Variants in CNTN5 observed in about 807,000 individuals in gnomAD.
CNTN5 encodes the protein contactin-5.
CNTN5 carries 77 observed loss-of-function variants against 129.1 expected under a neutral mutation model. That is an observed-to-expected ratio of 0.60 (90% CI 0.50 to 0.72). CNTN5 has a LOEUF of 0.72. CNTN5 is among the 30% of genes least tolerant of loss of function. The pLI is 0.00. For missense variants in CNTN5, 1,478 were observed against 1,328.8 expected (o/e 1.11, Z -1.75); for synonymous variants, 509 against 465.6 (o/e 1.09, Z -1.20).
intron 3 of CNTN5, among the ~76,000 whole-genome samples, chr11:99,769,123 T>A (rs1023126157): frequency 6.6e-6 from 1 of 152,148 alleles, no homozygotes; most frequent in African/African-American, 2.4e-5. Context: ...CTTGCAATAT[T>A]CTTTTTGATA....
intron 2 of CNTN5, among the ~76,000 whole-genome samples, chr11:99,338,429 G>GGGTGGAGAATGA (rs1195312622): frequency 6.6e-6 from 1 of 152,116 alleles, no homozygotes; most frequent in Non-Finnish European, 1.5e-5. Context: ...GTTCCATTAG[G>GGGTGGAGAATGA]GGGTTGGAAC....
intron 1 of CNTN5, among the ~76,000 whole-genome samples, chr11:99,273,542 A>T (rs1054977774): frequency 6.6e-6 from 1 of 151,640 alleles, no homozygotes; most frequent in African/African-American, 2.4e-5. Context: ...GAGAAAAGAA[A>T]TTTTGCCCTT....
At chr11:99,720,482 A>G (rs1176160426) in intron 3 of CNTN5, among the ~76,000 whole-genome samples, 2 of 152,162 alleles carry the variant, frequency 1.3e-5, no homozygotes, top group Non-Finnish European at 2.9e-5. Flanking sequence ...AAAACTCTCA[A>G]TAAACTAGGT....
At chr11:99,828,768 C>G (rs1246909111) in intron 4 of CNTN5, among the ~76,000 whole-genome samples, 2 of 152,028 alleles carry the variant, frequency 1.3e-5, no homozygotes, top group Admixed American at 1.3e-4. Context: ...TTATTAAAAT[C>G]ATGTATCTTT....
chr11:99,278,183 C>T (rs1863532607), intron 1 of CNTN5, among the ~76,000 whole-genome samples: 1 of 151,438 alleles, frequency 6.6e-6, no homozygotes, highest in Admixed American at 6.6e-5. Flanking sequence ...CATGGAAATG[C>T]TTGGAAGGTC....
intron 18 of CNTN5, among the ~76,000 whole-genome samples, chr11:100,295,227 G>A (rs755750457): frequency 3.3e-5 from 5 of 151,526 alleles, no homozygotes; most frequent in Non-Finnish European, 7.4e-5. Context: ...GGGCTATCTT[G>A]TCTTGAAAAT....
At chr11:99,704,618 A>G (rs550100577) in intron 3 of CNTN5, among the ~76,000 whole-genome samples, 55 of 151,380 alleles carry the variant, frequency 3.6e-4, no homozygotes, top group South Asian at 1.0e-3. Context: ...TCTCAAATAC[A>G]TATTAATCAT....
chr11:100,236,000 CT>C (rs1323407164), intron 16 of CNTN5, among the ~76,000 whole-genome samples: 1 of 152,162 alleles, frequency 6.6e-6, no homozygotes, highest in Non-Finnish European at 1.5e-5. Flanking sequence ...GATTGCCTGA[CT>C]CTAGTGGCCA....
At chr11:99,391,142 A>G (rs1377719516) in intron 2 of CNTN5, among the ~76,000 whole-genome samples, 1 of 152,118 alleles carries the variant, frequency 6.6e-6, no homozygotes, top group Non-Finnish European at 1.5e-5. Context: ...AATTTTTTCT[A>G]CAATGTGAAA....
chr11:99,338,270 TGA>T (rs1866329248), intron 2 of CNTN5, among the ~76,000 whole-genome samples: 1 of 152,196 alleles, frequency 6.6e-6, no homozygotes, highest in African/African-American at 2.4e-5. Context: ...GCTCTATACT[TGA>T]GTCTCATTCT....
chr11:99,087,634 C>T (rs557678164), intron 1 of CNTN5, among the ~76,000 whole-genome samples: 11 of 152,140 alleles, frequency 7.2e-5, no homozygotes, highest in African/African-American at 2.4e-4. Flanking sequence ...TCTTGATATC[C>T]GTTAGGACCC....
chr11:99,096,535 G>GT (rs1288915607), intron 1 of CNTN5, among the ~76,000 whole-genome samples: 1 of 151,738 alleles, frequency 6.6e-6, no homozygotes, highest in East Asian at 1.9e-4. Context: ...GTTTTCATAG[G>GT]TTTTATTTTA....
intron 3 of CNTN5, among the ~76,000 whole-genome samples, chr11:99,688,970 G>C (rs971557151): frequency 1.3e-5 from 2 of 152,034 alleles, no homozygotes; most frequent in Non-Finnish European, 2.9e-5. Context: ...GTATTCCATG[G>C]TATATATGTA....
intron 2 of CNTN5, among the ~76,000 whole-genome samples, chr11:99,554,088 A>G (rs1285561467): frequency 2.0e-5 from 3 of 151,984 alleles, no homozygotes; most frequent in Non-Finnish European, 2.9e-5. Context: ...TATATTTGAG[A>G]GTAGGAAAAA....
chr11:99,214,682 CT>C (rs1396511779), intron 1 of CNTN5, among the ~76,000 whole-genome samples: 1 of 151,908 alleles, frequency 6.6e-6, no homozygotes, highest in East Asian at 1.9e-4. Flanking sequence ...CTGGTGAAAA[CT>C]TTTTTCCTAT....
intron 7 of CNTN5, among the ~76,000 whole-genome samples, chr11:99,925,383 G>C (rs780947439): frequency 6.6e-6 from 1 of 152,180 alleles, no homozygotes; most frequent in Non-Finnish European, 1.5e-5. Context: ...GCTATATAGC[G>C]AAGCTTAATC....
intron 2 of CNTN5, among the ~76,000 whole-genome samples, chr11:99,442,191 A>G (rs1943859842): frequency 1.3e-5 from 2 of 151,762 alleles, no homozygotes; most frequent in Non-Finnish European, 1.5e-5. Flanking sequence ...TTTTTTTTTT[A>G]AGATGGAGTC....
chr11:100,158,384 G>A (rs1024417626), intron 13 of CNTN5, among the ~76,000 whole-genome samples: 5 of 151,716 alleles, frequency 3.3e-5, no homozygotes, highest in African/African-American at 7.3e-5. Flanking sequence ...CAGTATTTGC[G>A]CTACACACAC....
Position 99,417,867 on chromosome 11 carries a change from C to T in CNTN5, c.-71+92383C>T, listed in dbSNP as rs188571397. Among the ~76,000 whole-genome samples, 4 of 152,202 alleles carry T rather than the reference C, an allele frequency of 2.6e-5. No homozygotes were observed. The East Asian group carries it at 7.7e-4, about 29-fold the overall frequency. On this transcript the variant is annotated intron_variant, in intron 2 of 24. Coordinates refer to ENST00000524871, the MANE Select transcript of CNTN5 (RefSeq NM_014361.4). ...TTGTCCCCATTTTGGTGAGTTGAAGCATTCAGTTGAGTGCAATGAGATGTA... is the reference window on the plus strand; with the variant it reads ...TTGTCCCCATTTTGGTGAGTTGAAGTATTCAGTTGAGTGCAATGAGATGTA...
Sources: gnomAD v4.1 joint callset for allele counts (sites outside exome capture counted in the v4.1 genomes callset) on GRCh38, gnomAD v4.1.1 for gene constraint, MANE v1.5 for transcripts, NCBI Gene and HGNC (gene_info 2026-07-23, HGNC 2026-07-21) for gene names.